The following CCDC88C variants were observed in gnomAD, a reference collection of about 807,000 sequenced individuals.
CCDC88C encodes protein Daple.
A neutral mutation model predicts 198.8 loss-of-function variants in CCDC88C; 131 were observed. The observed-to-expected ratio is 0.66, with a 90% CI of 0.57 to 0.76. CCDC88C has a LOEUF of 0.76. Ranked by LOEUF, CCDC88C falls within the 30% of genes least tolerant of loss-of-function variation. The probability of loss-of-function intolerance (pLI) is 0.00; values close to 1 mark genes in which losing one functional copy is unlikely to be tolerated. For missense variants in CCDC88C, 2,553 were observed against 2,631.6 expected (o/e 0.97, Z 0.65); for synonymous variants, 1,166 against 1,114.7 (o/e 1.05, Z -0.92).
At chr14:91,412,958 T>C (rs1886864767) in intron 2 of CCDC88C, among the ~76,000 whole-genome samples, 1 of 152,204 alleles carries the variant, frequency 6.6e-6, no homozygotes, top group Non-Finnish European at 1.5e-5. Flanking sequence ...GTAAAAGTTA[T>C]CCTTCAAATG....
intron 23 of CCDC88C, among the ~76,000 whole-genome samples, chr14:91,291,645 C>G (rs1014516246): frequency 6.6e-6 from 1 of 152,152 alleles, no homozygotes; most frequent in African/African-American, 2.4e-5. Flanking sequence ...GTGGGGACTG[C>G]AGTGAGCCCC....
At chr14:91,279,370 T>C (rs1890106629) in intron 27 of CCDC88C, 64 bp from the exon 28 acceptor site, 32 of 1,381,498 alleles carry the variant, frequency 2.3e-5, no homozygotes, top group Non-Finnish European at 3.2e-5. Context: ...AGATGAGCCA[T>C]CTAAGAAAAA....
intron 19 of CCDC88C, among the ~76,000 whole-genome samples, chr14:91,305,468 C>T (rs2139785609): frequency 6.6e-6 from 1 of 152,150 alleles, no homozygotes; most frequent in South Asian, 2.1e-4. Flanking sequence ...CCAAGTCAGT[C>T]CTAGTAACAC....
At chr14:91,408,820 T>G in intron 2 of CCDC88C, 53 bp from the exon 3 acceptor site, 2 of 1,175,458 alleles carry the variant, frequency 1.7e-6, no homozygotes, top group Non-Finnish European at 2.5e-6. Context: ...GCTGCCACAC[T>G]TCCTTTCCCA....
chr14:91,298,648 C>T (rs1261637663), intron 21 of CCDC88C, among the ~76,000 whole-genome samples: 1 of 152,214 alleles, frequency 6.6e-6, no homozygotes, highest in East Asian at 1.9e-4. Context: ...GTCCCGGGCC[C>T]GCCTCCAGCT....
chr14:91,345,341 C>T (rs989025260), intron 4 of CCDC88C, among the ~76,000 whole-genome samples: 3 of 151,360 alleles, frequency 2.0e-5, no homozygotes, highest in Non-Finnish European at 4.4e-5. Flanking sequence ...TACAGGCGCT[C>T]GCCACCACGC....
In CCDC88C at chr14:91,308,411, T is replaced by C. The variant is rs1166477626; in HGVS notation, c.2946A>G (p.Leu982=). Residue 982 remains leucine (L), a synonymous_variant, in exon 17 of 30, where the codon TTA becomes TTG. Transcript: ENST00000389857. ...LAMKEEKIVL[L]EAQMEEKASL... is the part of the protein sequence containing the mutation. ...TCGCTTTCTCTTCCATCTGTGCTTC[T>C]AAGAGCACAATCTTTTCTTCTTTCA... 1.2e-6 allele frequency: 2 copies of C among 1,614,072 alleles called. No individual in the cohort carries two copies. Among genetic ancestry groups the C allele is most frequent in the South Asian group, 2.2e-5 (2 of 91,092 alleles).
At chr14:91,314,243 T>A in intron 14 of CCDC88C, 93 bp from the exon 15 acceptor site, 1 of 1,030,358 alleles carries the variant, frequency 9.7e-7, no homozygotes, top group South Asian at 1.6e-5. Context: ...GAGAAGGCCT[T>A]GAACGGCTGT....
At chr14:91,359,823 G>A (rs1330202393) in intron 3 of CCDC88C, 112 bp from the exon 4 acceptor site, 2 of 927,578 alleles carry the variant, frequency 2.2e-6, no homozygotes, top group African/African-American at 1.6e-5. Context: ...GCCATCCCGT[G>A]GTGACTACGA....
rs1892564263 is a variant in CCDC88C, at chr14:91,325,888, GT to G, written c.1197+21del. On this transcript the variant is annotated intron_variant, in intron 11 of 29. Coordinates refer to ENST00000389857, the MANE Select transcript of CCDC88C (RefSeq NM_001080414.4). The surrounding 1 kb of genome is among the most constrained non-coding windows in gnomAD (Gnocchi z 4.1). Reference sequence around the variant, plus strand: ...CCGAGCCCAATCTGTTTTCAATGTAGTAACAACACAGCCTGCAGTACCAATT... The same window carrying G: ...CCGAGCCCAATCTGTTTTCAATGTAGAACAACACAGCCTGCAGTACCAATT... 1 of 1,545,676 alleles carries G rather than the reference GT, an allele frequency of 6.5e-7. No homozygotes were observed. Among genetic ancestry groups the G allele is most frequent in the Non-Finnish European group, 8.7e-7 (1 of 1,143,000 alleles).
intron 3 of CCDC88C, among the ~76,000 whole-genome samples, chr14:91,393,373 G>A (rs1885645520): frequency 6.6e-6 from 1 of 152,140 alleles, no homozygotes; most frequent in South Asian, 2.1e-4. Context: ...AGGGGCAGAT[G>A]AGGCAGAGGC....
chr14:91,370,759 C>A (rs1894757958), intron 3 of CCDC88C, among the ~76,000 whole-genome samples: 1 of 152,158 alleles, frequency 6.6e-6, no homozygotes. Context: ...GTGGACACAT[C>A]CGTGCATACA....
At position 91,273,040 on chromosome 14, in the gene CCDC88C, G is replaced by C. The variant is rs772460282; in HGVS notation, c.5672C>G (p.Pro1891Arg). Residue 1891 changes from proline (P) to arginine (R), a missense_variant, in exon 30 of 30, where the codon CCA becomes CGA. Transcript: ENST00000389857. This position sits in a 1 kb window ranked among gnomAD's most constrained non-coding sequence, Gnocchi z 5.6. The stretch of plus-strand genomic sequence containing the variant: ...CAGGGGGGCCAGCCTCTCCTCCTTT[G>C]GGGGAGCCAGGGAGAAGCGCCTCGT... ...LDTRRFSLAP[P>R]KEERLAPLHQ... The C allele has an allele frequency of 6.4e-6, 10 of 1,554,630 alleles. No homozygotes were observed. The Admixed American group carries it at 9.5e-5, about 15-fold the overall frequency.
intron 2 of CCDC88C, among the ~76,000 whole-genome samples, chr14:91,411,579 G>A (rs559697798): frequency 3.8e-4 from 58 of 152,280 alleles, no homozygotes; most frequent in South Asian, 8.3e-4. Flanking sequence ...CATAAATATG[G>A]TAGCTGGTCG....
At chr14:91,410,198 C>A (rs1046178909) in intron 2 of CCDC88C, among the ~76,000 whole-genome samples, 1 of 152,198 alleles carries the variant, frequency 6.6e-6, no homozygotes, top group Non-Finnish European at 1.5e-5. Flanking sequence ...TTACTGAGTT[C>A]GCTTCCACCC....
In CCDC88C at chr14:91,305,936, C is replaced by G; in HGVS notation, c.3196-10G>C. The G allele has an allele frequency of 1.2e-6, 2 of 1,611,084 alleles. No individual in the cohort carries two copies. Among genetic ancestry groups the G allele is most frequent in the East Asian group, 2.2e-5 (1 of 44,844 alleles). On this transcript the variant is annotated splice_polypyrimidine_tract_variant and intron_variant, in intron 18 of 29. Coordinates refer to ENST00000389857, the MANE Select transcript of CCDC88C (RefSeq NM_001080414.4). The stretch of plus-strand genomic sequence containing the variant: ...CCTGCAGAGCTGCATTCTAGAAGAT[C>G]GGGAGGCATGAGCGAATCAAACTCC...
chr14:91,299,551 T>A (rs532608406), intron 21 of CCDC88C, among the ~76,000 whole-genome samples: 4 of 152,304 alleles, frequency 2.6e-5, no homozygotes, highest in African/African-American at 9.6e-5. Context: ...AATAAAACTT[T>A]AGCAAGTAGG....
chr14:91,296,377 G>A (rs991097121), intron 22 of CCDC88C, among the ~76,000 whole-genome samples: 7 of 152,248 alleles, frequency 4.6e-5, no homozygotes, highest in Admixed American at 1.3e-4. Flanking sequence ...CACTTCATCA[G>A]CGTGACCTTT....
intron 22 of CCDC88C, 88 bp downstream of exon 22, chr14:91,297,217 A>AG: frequency 2.3e-6 from 3 of 1,316,754 alleles, no homozygotes; most frequent in South Asian, 2.7e-5. Flanking sequence ...AATGCCCATG[A>AG]GGACCCCTCA....
Sources: allele counts gnomAD v4.1 joint callset (sites outside exome capture counted in the v4.1 genomes callset), GRCh38; gene constraint gnomAD v4.1.1; non-coding constraint Gnocchi (gnomAD v3.1); transcripts MANE v1.5; gene names NCBI Gene and HGNC (gene_info 2026-07-23, HGNC 2026-07-21).